The following POLR2B variants were observed in gnomAD, a reference collection of about 807,000 sequenced individuals.
POLR2B encodes the protein RNA polymerase II subunit B, also known as DNA-directed RNA polymerase II subunit RPB2.
A neutral mutation model predicts 144.6 loss-of-function variants in POLR2B; 57 were observed. The ratio of observed to expected loss-of-function variants is 0.39; its 90% confidence interval spans 0.32 to 0.49. POLR2B has a LOEUF of 0.49. POLR2B is among the 20% of genes least tolerant of loss of function. The pLI is 0.83. For missense variants in POLR2B, 595 were observed against 1,467.4 expected, an observed-to-expected ratio of 0.41 and a Z score of 9.71; for synonymous variants, 442 against 469.8, an observed-to-expected ratio of 0.94 and a Z score of 0.77.
chr4:56,998,444 G>A (rs982314929), intron 6 of POLR2B, among the ~76,000 whole-genome samples: 7 of 152,204 alleles, frequency 4.6e-5, no homozygotes, highest in African/African-American at 1.2e-4. Flanking sequence ...TGATCCACCC[G>A]CCTTGGCCTC....
chr4:57,023,538 G>A lies in POLR2B; in HGVS notation c.2724G>A (p.Met908Ile). ...AGACGGGCATTGTGGATCAGGTTAT[G>A]GTAACTCTCAATCAGGAAGGATATA... The part of the protein sequence containing the change: ...TSETGIVDQV[M>I]VTLNQEGYKF... Residue 908 changes from methionine (M) to isoleucine (I), a missense_variant, in exon 19 of 25, where the codon ATG becomes ATA. Transcript: ENST00000314595. The surrounding 1 kb of genome is among the most constrained non-coding windows in gnomAD (Gnocchi z 4.3). The A allele has an allele frequency of 2.5e-6, 4 of 1,613,800 alleles. No individual in the cohort carries two copies. Among genetic ancestry groups the A allele is most frequent in the South Asian group, 1.1e-5 (1 of 91,070 alleles).
At chr4:57,028,340 C>T (rs1323259634) in intron 23 of POLR2B, among the ~76,000 whole-genome samples, 1 of 152,092 alleles carries the variant, frequency 6.6e-6, no homozygotes, top group Non-Finnish European at 1.5e-5. Context: ...TACTGTGTTG[C>T]TCTGGCTGGT....
chr4:57,017,094 A>G lies in POLR2B; in HGVS notation c.2007A>G (p.Glu669=), dbSNP rs1723392988. The change falls in exon 15 of 25, where the codon GAA becomes GAG. Residue 669 remains glutamate, a synonymous_variant. Coordinates refer to ENST00000314595, the MANE Select transcript of POLR2B (RefSeq NM_000938.3). This position sits in a 1 kb window ranked among gnomAD's most constrained non-coding sequence, Gnocchi z 4.8. ...SGVVEYIDTL[E]EETVMLAMTP... is the part of the protein sequence containing the mutation. ...TAGTGGAGTATATTGATACCCTGGAAGAAGAAACAGTGATGCTTGCAATGA... is the reference window on the plus strand; with the variant it reads ...TAGTGGAGTATATTGATACCCTGGAGGAAGAAACAGTGATGCTTGCAATGA... 5 of 1,613,064 alleles carry G rather than the reference A, an allele frequency of 3.1e-6. No homozygotes were observed. The highest frequency in any genetic ancestry group is 1.7e-5 in the Admixed American group (1 of 59,664).
In POLR2B at chr4:57,024,018, C is replaced by G; in HGVS notation, c.2870C>G (p.Thr957Ser). ...IQYRQEDMPF[T>S]CEGITPDIII... ...TTTTCTTTGTAGGATATGCCTTTCA[C>G]CTGTGAAGGTATCACCCCTGATATC... The change falls in exon 21 of 25, where the codon ACC (threonine) becomes AGC (serine). Residue 957 changes from threonine (T) to serine (S), a missense_variant. This residue lies in a region of POLR2B where 65 missense variants were observed against 282.8 expected (regional missense o/e 0.23). Coordinates refer to ENST00000314595, the MANE Select transcript of POLR2B (RefSeq NM_000938.3). 1 of 1,589,400 alleles carries G rather than the reference C, an allele frequency of 6.3e-7. No homozygotes were observed. The highest frequency in any genetic ancestry group is 2.2e-5 in the East Asian group (1 of 44,460).
intron 6 of POLR2B, among the ~76,000 whole-genome samples, chr4:56,997,005 G>A (rs1722711793): frequency 6.6e-6 from 1 of 152,146 alleles, no homozygotes; most frequent in Non-Finnish European, 1.5e-5. Context: ...AAGCTGAGGT[G>A]GGAAGATGGC....
Position 56,995,291 on chromosome 4 carries a change from A to G in POLR2B, c.617A>G (p.Tyr206Cys). ...AQEKMATNTVYVFAKKDSKYA... is the reference protein window; with the variant it reads ...AQEKMATNTVCVFAKKDSKYA... ...GAGAAAATGGCAACAAACACAGTTT[A>G]TGTGTTTGCCAAAAAGGATTCTAAA... Residue 206 changes from tyrosine to cysteine, a missense_variant, in exon 6 of 25, where the codon TAT becomes TGT. Physicochemically the swap from Tyr to Cys is radical, Grantham distance 194. This residue lies in a region of POLR2B where 251 missense variants were observed against 567.3 expected (regional missense o/e 0.44). Transcript: ENST00000314595. 6.2e-7 allele frequency: 1 copy of G among 1,612,116 alleles called. No individual in the cohort carries two copies. The highest frequency in any genetic ancestry group is 8.5e-7 in the Non-Finnish European group (1 of 1,178,212).
Position 57,005,694 on chromosome 4 carries a change from C to T in POLR2B, c.1192C>T (p.Pro398Ser). 2 of 1,612,050 alleles carry T rather than the reference C, an allele frequency of 1.2e-6. No homozygotes were observed. The highest frequency in any genetic ancestry group is 1.3e-5 in the African/African-American group (1 of 74,786). The change falls in exon 9 of 25, where the codon CCG becomes TCG. Residue 398 changes from proline (P) to serine (S), a missense_variant. Physicochemically the swap from Pro to Ser is moderately conservative, Grantham distance 74. Around this residue, in one of 9 missense-constraint regions of POLR2B, gnomAD observed 251 missense variants for 567.3 expected, o/e 0.44. Transcript: ENST00000314595. Reference sequence around the variant, plus strand: ...AAACAAGAGATTGGATCTTGCTGGGCCGCTGCTTGCATTCTTATTTAGAGG... The same window carrying T: ...AAACAAGAGATTGGATCTTGCTGGGTCGCTGCTTGCATTCTTATTTAGAGG... ...YGNKRLDLAG[P>S]LLAFLFRGMF...
chr4:57,015,479 C>G (rs763693130), intron 13 of POLR2B, 23 bp from the exon 14 acceptor site: 1 of 1,281,932 alleles, frequency 7.8e-7, no homozygotes, highest in African/African-American at 1.5e-5. Flanking sequence ...ATTTGTGGAA[C>G]TGTTTTTTCT....
intron 2 of POLR2B, among the ~76,000 whole-genome samples, chr4:56,987,292 T>G (rs1177782786): frequency 6.6e-6 from 1 of 152,194 alleles, no homozygotes; most frequent in Non-Finnish European, 1.5e-5. Context: ...CATCCAATTC[T>G]AAGTGTAACT....
chr4:57,024,263 A>T, intron 21 of POLR2B, 151 bp downstream of exon 21: 1 of 510,108 alleles, frequency 2.0e-6, no homozygotes, highest in Non-Finnish European at 3.4e-6. Context: ...TGATTCTGCC[A>T]TTTTTTTTGG....
chr4:56,980,759 A>G (rs11732394), intron 1 of POLR2B, among the ~76,000 whole-genome samples: 31,665 of 151,924 alleles, frequency 0.21, 3,689 homozygotes, highest in Middle Eastern at 0.34. Flanking sequence ...AACTCTCCAC[A>G]GTGGGTAACT....
At chr4:57,024,719 C>T (rs894794915) in intron 21 of POLR2B, among the ~76,000 whole-genome samples, 167 bp from the exon 22 acceptor site, 2 of 152,050 alleles carry the variant, frequency 1.3e-5, no homozygotes, top group African/African-American at 4.8e-5. Flanking sequence ...CACAGCTTTC[C>T]ATAACATAGA....
chr4:56,990,922 C>T (rs1426936862), intron 3 of POLR2B, 24 bp downstream of exon 3: 3 of 1,594,542 alleles, frequency 1.9e-6, no homozygotes, highest in Non-Finnish European at 8.5e-7. Context: ...AATAGTTACA[C>T]AGGTACAAGA....
Position 57,006,850 on chromosome 4 carries a change from T to C in POLR2B, c.1252T>C (p.Tyr418His). The change falls in exon 10 of 25, where the codon TAT becomes CAT. Residue 418 changes from tyrosine to histidine, a missense_variant. This residue lies in a region of POLR2B where 251 missense variants were observed against 567.3 expected (regional missense o/e 0.44). Coordinates refer to ENST00000314595, the MANE Select transcript of POLR2B (RefSeq NM_000938.3). Reference sequence around the variant, plus strand: ...GAATTTGCTTAAAGAAGTGCGGATCTATGCACAGAAATTTATTGATCGAGG... The same window carrying C: ...GAATTTGCTTAAAGAAGTGCGGATCCATGCACAGAAATTTATTGATCGAGG... ...FKNLLKEVRI[Y>H]AQKFIDRGKD... 6.2e-7 allele frequency: 1 copy of C among 1,613,702 alleles called. No homozygotes were observed. Among genetic ancestry groups the C allele is most frequent in the Non-Finnish European group, 8.5e-7 (1 of 1,179,626 alleles).
chr4:56,999,635 A>G lies in POLR2B; in HGVS notation c.754A>G (p.Ile252Val), dbSNP rs1560475900. The change falls in exon 7 of 25, where the codon ATT (isoleucine) becomes GTT (valine). Residue 252 changes from isoleucine (I) to valine (V), a missense_variant. Coordinates refer to ENST00000314595, the MANE Select transcript of POLR2B (RefSeq NM_000938.3). ...RGGQGAKKSAIGQRIVATLPY... is the reference protein window; with the variant it reads ...RGGQGAKKSAVGQRIVATLPY... ...TTTCTAGGGTGCCAAGAAGAGTGCTATTGGTCAGCGCATTGTGGCAACTCT... is the reference window on the plus strand; with the variant it reads ...TTTCTAGGGTGCCAAGAAGAGTGCTGTTGGTCAGCGCATTGTGGCAACTCT... 6.2e-7 allele frequency: 1 copy of G among 1,610,310 alleles called. No homozygotes were observed. The highest frequency in any genetic ancestry group is 8.5e-7 in the Non-Finnish European group (1 of 1,178,054).
chr4:56,988,445 CTT>C (rs1261366918), intron 2 of POLR2B, among the ~76,000 whole-genome samples: 27 of 152,032 alleles, frequency 1.8e-4, no homozygotes, highest in Non-Finnish European at 3.2e-4. Context: ...CGGTGGATGA[CTT>C]GAGCTCAGGA....
intron 7 of POLR2B, among the ~76,000 whole-genome samples, chr4:57,001,793 A>T (rs1343364251): frequency 6.6e-6 from 1 of 152,040 alleles, no homozygotes; most frequent in Non-Finnish European, 1.5e-5. Flanking sequence ...TTCCTTATAA[A>T]TTTTTTCCAT....
chr4:57,000,516 C>T (rs1025757784), intron 7 of POLR2B, among the ~76,000 whole-genome samples: 1 of 152,032 alleles, frequency 6.6e-6, no homozygotes, highest in African/African-American at 2.4e-5. Flanking sequence ...GTCACATTTG[C>T]TTTATCATTC....
intron 23 of POLR2B, among the ~76,000 whole-genome samples, chr4:57,027,163 C>G (rs1235324099): frequency 2.0e-5 from 3 of 152,086 alleles, no homozygotes. Context: ...TGTGCGCCAC[C>G]AAGCCCAGCT....
Sources: allele counts gnomAD v4.1 joint callset (sites outside exome capture counted in the v4.1 genomes callset), GRCh38; gene constraint gnomAD v4.1.1; regional missense constraint gnomAD v4.1.1; non-coding constraint Gnocchi (gnomAD v3.1); transcripts MANE v1.5; gene names NCBI Gene and HGNC (gene_info 2026-07-23, HGNC 2026-07-21).